BPIFB2: variants seen among roughly 807,000 people sequenced by gnomAD.
BPIFB2 encodes the protein BPI fold containing family B member 2.
Under a neutral mutation model 50.1 loss-of-function variants are expected in BPIFB2, and 39 were observed. The observed-to-expected ratio is 0.78, with a 90% CI of 0.60 to 1.02. BPIFB2 has a LOEUF of 1.02. Ranked by LOEUF, BPIFB2 falls within the 50% of genes least tolerant of loss-of-function variation. The pLI is 0.00. For synonymous variants in BPIFB2, 280 were observed against 256.3 expected (o/e 1.09, Z -0.88); for missense variants, 574 against 585.8 (o/e 0.98, Z 0.21).
chr20:33,010,744 A>G (rs1990275436), intron 2 of BPIFB2, among the ~76,000 whole-genome samples: 1 of 152,106 alleles, frequency 6.6e-6, no homozygotes, highest in Non-Finnish European at 1.5e-5. Context: ...AAGAGGGCAA[A>G]GGATTTTGTT....
At chr20:33,016,285 C>A (rs1260862838) in intron 6 of BPIFB2, among the ~76,000 whole-genome samples, 3 of 152,140 alleles carry the variant, frequency 2.0e-5, no homozygotes, top group African/African-American at 7.2e-5. Flanking sequence ...TGGGGCAGCT[C>A]CTCTTGAGAG....
rs560892425 is a variant in BPIFB2, at chr20:33,020,106, G to A, written c.1081-222G>A. ...GATGGCGCCTGGTTACTGTGGTTACGGTCCCCCTCTCCCACAGCTGGCGGC... is the reference window on the plus strand; with the variant it reads ...GATGGCGCCTGGTTACTGTGGTTACAGTCCCCCTCTCCCACAGCTGGCGGC... On this transcript the variant is annotated intron_variant, in intron 11 of 15. Coordinates refer to ENST00000170150, the MANE Select transcript of BPIFB2 (RefSeq NM_025227.3). 7.9e-5 allele frequency among the ~76,000 whole-genome samples: 12 copies of A among 152,324 alleles called. No homozygotes were observed. The East Asian group carries it at 1.7e-3, about 22-fold the overall frequency.
intron 3 of BPIFB2, among the ~76,000 whole-genome samples, chr20:33,011,346 A>G (rs1990285596): frequency 6.6e-6 from 1 of 152,240 alleles, no homozygotes; most frequent in South Asian, 2.1e-4. Flanking sequence ...GGGACCCAAG[A>G]TGGAGAAGCC....
At chr20:33,019,154 G>A in intron 10 of BPIFB2, 39 bp downstream of exon 10, 1 of 1,613,306 alleles carries the variant, frequency 6.2e-7, no homozygotes, top group Non-Finnish European at 8.5e-7. Flanking sequence ...ACTGAGACAA[G>A]GGACTGGGGT....
At position 33,009,705 on chromosome 20, in the gene BPIFB2, G is replaced by A. The variant is rs1389888258; in HGVS notation, c.109+1022G>A. Among the ~76,000 whole-genome samples, 1 of 152,212 alleles carries A rather than the reference G, an allele frequency of 6.6e-6. No homozygotes were observed. The highest frequency in any genetic ancestry group is 1.5e-5 in the Non-Finnish European group (1 of 68,032). On this transcript the variant is annotated intron_variant, in intron 2 of 15. Coordinates refer to ENST00000170150, the MANE Select transcript of BPIFB2 (RefSeq NM_025227.3). The surrounding 1 kb of genome is among the most constrained non-coding windows in gnomAD (Gnocchi z 4.2). Reference sequence around the variant, plus strand: ...GCCTGCAGGTAGGGCCATGAGGCCCGCGCCCTCCGCCGCCTTCCTGCCCTC... The same window carrying A: ...GCCTGCAGGTAGGGCCATGAGGCCCACGCCCTCCGCCGCCTTCCTGCCCTC...
intron 2 of BPIFB2, 78 bp downstream of exon 2, chr20:33,008,761 G>A: frequency 8.1e-7 from 1 of 1,240,362 alleles, no homozygotes; most frequent in Non-Finnish European, 1.1e-6. Context: ...GCGTAGCTGT[G>A]AACTCAAAAG....
At chr20:33,018,191 G>A (rs1320724432) in intron 7 of BPIFB2, 68 bp from the exon 8 acceptor site, 2 of 1,216,006 alleles carry the variant, frequency 1.6e-6, no homozygotes, top group Admixed American at 4.0e-5. Flanking sequence ...AACTTTTCTG[G>A]ATAGATGAAA....
At chr20:33,018,194 A>C (rs1978503532) in intron 7 of BPIFB2, 65 bp from the exon 8 acceptor site, 1 of 1,227,056 alleles carries the variant, frequency 8.1e-7, no homozygotes. Flanking sequence ...TTTTCTGGAT[A>C]GATGAAACGT....
Position 33,008,524 on chromosome 20 carries a change from G to T in BPIFB2, c.-34-17G>T. On this transcript the variant is annotated splice_polypyrimidine_tract_variant and intron_variant, in intron 1 of 15. Coordinates refer to ENST00000170150, the MANE Select transcript of BPIFB2 (RefSeq NM_025227.3). ...GGCTGTTTTGGCTGAGCTCCCTGAT[G>T]CTCATTTCTACCCCAGCCCACAGAT... The T allele has an allele frequency of 6.8e-7, 1 of 1,481,338 alleles. No individual in the cohort carries two copies. The highest frequency in any genetic ancestry group is 9.1e-7 in the Non-Finnish European group (1 of 1,097,800). 91.8% of individuals were successfully genotyped at this position (1,481,338 alleles called of 1,614,324 possible). A position where few individuals can be genotyped will look rare whatever the true frequency, so the allele number is the denominator to read the frequency against.
At position 33,023,347 on chromosome 20, in the gene BPIFB2, C is replaced by T. The variant is rs774846100; in HGVS notation, c.1341C>T (p.Tyr447=). 3.8e-5 allele frequency: 62 copies of T among 1,613,776 alleles called. No individual in the cohort carries two copies. The Admixed American group carries it at 4.3e-4, about 11-fold the overall frequency. Residue 447 remains tyrosine (Y), a synonymous_variant, in exon 16 of 16, where the codon TAC becomes TAT. Transcript: ENST00000170150. ...TGGTTTCCTTTGCCCTTCAGGGCTA[C>T]GTGGTGATATCCAGTGGACTCTTCT... ...VAPEIFVYEG[Y]VVISSGLFYQ...
chr20:33,017,001 G>T (rs779009651), intron 6 of BPIFB2, 41 bp from the exon 7 acceptor site: 117 of 1,593,708 alleles, frequency 7.3e-5, no homozygotes, highest in Non-Finnish European at 1.0e-4. Flanking sequence ...CAGCCCCAGG[G>T]CTGCCCTAAC....
rs1394861901 is a variant in BPIFB2, at chr20:33,020,603, G to C, written c.1194+16G>C. On this transcript the variant is annotated intron_variant, in intron 13 of 15. Coordinates refer to ENST00000170150, the MANE Select transcript of BPIFB2 (RefSeq NM_025227.3). ...CTTCATTGATGTGAGTGTGGGGCTG[G>C]GGCCTCTAGAAACCCCCGTCCTGGG... 1 of 1,596,114 alleles carries C rather than the reference G, an allele frequency of 6.3e-7. No individual in the cohort carries two copies. Among genetic ancestry groups the C allele is most frequent in the Non-Finnish European group, 8.5e-7 (1 of 1,169,648 alleles).
chr20:33,016,216 A>C lies in BPIFB2; in HGVS notation c.516+720A>C, dbSNP rs182758321. On this transcript the variant is annotated intron_variant, in intron 6 of 15. Coordinates refer to ENST00000170150, the MANE Select transcript of BPIFB2 (RefSeq NM_025227.3). ...CTGCATGCCACCCCACACCCCCCAG[A>C]GGGCGACTGCAACATGCCCACCTTA... Among the ~76,000 whole-genome samples, 11 of 152,186 alleles carry C rather than the reference A, an allele frequency of 7.2e-5. No homozygotes were observed. The East Asian group carries it at 1.9e-3, about 27-fold the overall frequency.
chr20:33,011,250 G>A, intron 3 of BPIFB2, 133 bp downstream of exon 3: 3 of 783,144 alleles, frequency 3.8e-6, no homozygotes, highest in South Asian at 3.4e-5. Flanking sequence ...ACGGGGCAAA[G>A]TGTTCCAGTC....
In BPIFB2 at chr20:33,018,866, C is replaced by G. The variant is rs2146354217; in HGVS notation, c.855+44C>G. ...GCCCAGGGCCTGTGGGGCAAGAGCT[C>G]CCTGTGGCCCAGCCTAGGGAGACCT... On this transcript the variant is annotated intron_variant, in intron 9 of 15. Transcript: ENST00000170150. 4 of 1,587,678 alleles carry G rather than the reference C, an allele frequency of 2.5e-6. No individual in the cohort carries two copies. The East Asian group carries it at 9.0e-5, about 36-fold the overall frequency.
At chr20:33,013,667 G>A in intron 4 of BPIFB2, 143 bp from the exon 5 acceptor site, 1 of 1,221,804 alleles carries the variant, frequency 8.2e-7, no homozygotes, top group Non-Finnish European at 1.1e-6. Context: ...GCCCCAGGTA[G>A]GGCCATCTCA....
At chr20:33,016,143 A>C (rs1254547392) in intron 6 of BPIFB2, among the ~76,000 whole-genome samples, 1 of 152,026 alleles carries the variant, frequency 6.6e-6, no homozygotes, top group East Asian at 1.9e-4. Flanking sequence ...ATCCCATCCC[A>C]ACCCCACTAC....
chr20:33,017,515 C>T (rs149857089), intron 7 of BPIFB2, among the ~76,000 whole-genome samples: 75 of 152,330 alleles, frequency 4.9e-4, no homozygotes, highest in African/African-American at 1.7e-3. Context: ...CCCCTGGCCT[C>T]GCCCTTTGAA....
chr20:33,008,429 G>C, intron 1 of BPIFB2, 112 bp from the exon 2 acceptor site: 1 of 584,212 alleles, frequency 1.7e-6, no homozygotes, highest in South Asian at 2.2e-5. Context: ...TGGGCCTGGG[G>C]CAGGGCTGGG....
Sources: gnomAD v4.1 joint callset for allele counts (sites outside exome capture counted in the v4.1 genomes callset) on GRCh38, gnomAD v4.1.1 for gene constraint, Gnocchi (gnomAD v3.1) non-coding constraint, MANE v1.5 for transcripts, NCBI Gene and HGNC (gene_info 2026-07-23, HGNC 2026-07-21) for gene names.